MYT1L: variants seen among roughly 807,000 people sequenced by gnomAD.
The protein encoded by MYT1L is myelin transcription factor 1-like protein.
In MYT1L, 12 loss-of-function variants were observed where a neutral mutation model predicts 126.7. The ratio of observed to expected loss-of-function variants is 0.09; its 90% CI spans 0.06 to 0.15. The LOEUF (loss-of-function observed/expected upper bound fraction) is 0.15, where lower values mean the gene tolerates loss of function less well. MYT1L is among the 10% of genes least tolerant of loss of function. The pLI is 1.00. For missense variants in MYT1L, 979 were observed against 1,585.2 expected, an observed-to-expected ratio of 0.62 and a Z score of 6.49; for synonymous variants, 541 against 604.2, an observed-to-expected ratio of 0.90 and a Z score of 1.53.
At chr2:1,844,696 C>T (rs2042262006) in intron 19 of MYT1L, among the ~76,000 whole-genome samples, 1 of 152,198 alleles carries the variant, frequency 6.6e-6, no homozygotes, top group African/African-American at 2.4e-5. Context: ...ACATACAATG[C>T]TGGGCACAGA....
At chr2:2,058,611 T>C (rs1351923089) in intron 3 of MYT1L, among the ~76,000 whole-genome samples, 2 of 152,246 alleles carry the variant, frequency 1.3e-5, no homozygotes, top group Non-Finnish European at 2.9e-5. Flanking sequence ...TCAACAAATT[T>C]ATGCTGAATG....
intron 3 of MYT1L, among the ~76,000 whole-genome samples, chr2:2,161,464 T>C (rs926080436): frequency 6.6e-6 from 1 of 152,228 alleles, no homozygotes; most frequent in African/African-American, 2.4e-5. Flanking sequence ...CGGGTATCAA[T>C]GAAACAAGTG....
In MYT1L at chr2:2,217,688, C is replaced by CAAA. The variant is rs1192733884; in HGVS notation, c.-420-44701_-420-44700insTTT. 1.0e-3 allele frequency among the ~76,000 whole-genome samples: 74 copies of CAAA among 70,858 alleles called. 5 individuals are homozygous for CAAA. Among genetic ancestry groups the CAAA allele is most frequent in the African/African-American group, 5.4e-3 (69 of 12,686 alleles). The allele number at this position is 70,858 out of a possible 152,430, so 46.5% of individuals were successfully genotyped here. A position where few individuals can be genotyped will look rare whatever the true frequency, so the allele number is the denominator to read the frequency against. On this transcript the variant is annotated intron_variant, in intron 2 of 24. Transcript: ENST00000647738. ...TCCATCTCAACAACAACAACAACAA[C>CAAA]AACAACAACAACAACAACAAAAAAA...
intron 2 of MYT1L, among the ~76,000 whole-genome samples, chr2:2,178,323 T>C (rs548835882): frequency 9.2e-5 from 14 of 152,306 alleles, no homozygotes; most frequent in African/African-American, 3.4e-4. Flanking sequence ...CTTTACAATA[T>C]AGTTGAAGAC....
chr2:1,888,160 T>G (rs1354948653), intron 16 of MYT1L, among the ~76,000 whole-genome samples: 1 of 152,210 alleles, frequency 6.6e-6, no homozygotes, highest in Non-Finnish European at 1.5e-5. Context: ...CAGGTGGCAA[T>G]GCTCAGCAGA....
intron 2 of MYT1L, among the ~76,000 whole-genome samples, chr2:2,240,293 CTAAA>C (rs532182932): frequency 2.0e-5 from 3 of 151,724 alleles, no homozygotes; most frequent in African/African-American, 7.3e-5. Context: ...AACTCCGTCT[CTAAA>C]TAAATAAATA....
At chr2:2,038,619 T>A (rs575695382) in intron 4 of MYT1L, among the ~76,000 whole-genome samples, 7 of 152,308 alleles carry the variant, frequency 4.6e-5, no homozygotes, top group African/African-American at 1.7e-4. Context: ...ATCGATTTTT[T>A]ATGTGTAGTC....
chr2:2,222,812 G>A (rs1182422212), intron 2 of MYT1L, among the ~76,000 whole-genome samples: 1 of 152,050 alleles, frequency 6.6e-6, no homozygotes, highest in East Asian at 1.9e-4. Context: ...GTATTAATGT[G>A]ATGAAGTGGC....
intron 8 of MYT1L, among the ~76,000 whole-genome samples, chr2:1,952,717 T>TCCTTCCTTCCTTTC (rs2057889433): frequency 6.9e-4 from 5 of 7,240 alleles, no homozygotes; most frequent in African/African-American, 1.7e-3. Context: ...TTCCCTTCCC[T>TCCTTCCTTCCTTTC]CCTTCCTTCC....
chr2:2,038,706 C>T (rs1015301017), intron 4 of MYT1L, among the ~76,000 whole-genome samples: 7 of 151,980 alleles, frequency 4.6e-5, no homozygotes, highest in African/African-American at 1.5e-4. Context: ...CTCTGGAACC[C>T]AATCCGAACT....
intron 1 of MYT1L, among the ~76,000 whole-genome samples, chr2:2,290,094 A>T (rs945763012): frequency 1.3e-5 from 2 of 152,222 alleles, no homozygotes; most frequent in African/African-American, 4.8e-5. Flanking sequence ...TGAGCTCATG[A>T]TGTCAGCCAC....
intron 1 of MYT1L, among the ~76,000 whole-genome samples, chr2:2,306,890 G>A (rs1258517207): frequency 1.3e-5 from 2 of 152,166 alleles, no homozygotes; most frequent in Non-Finnish European, 2.9e-5. Context: ...AGCTATCAAT[G>A]CAAGGTAGAC....
chr2:1,986,793 A>G lies in MYT1L; in HGVS notation c.1-7016T>C, dbSNP rs116616642. 5.6e-3 allele frequency among the ~76,000 whole-genome samples: 847 copies of G among 152,250 alleles called. 5 individuals are homozygous for G. Among genetic ancestry groups the G allele is most frequent in the African/African-American group, 0.019 (778 of 41,556 alleles). On this transcript the variant is annotated intron_variant, in intron 5 of 24. Coordinates refer to ENST00000647738, the MANE Select transcript of MYT1L (RefSeq NM_001303052.2). Reference sequence around the variant, plus strand: ...CCAAGGGGGTCGTCAGATGCTGTGCAAGCAGTGGTGAAGCTTTGTTGTTCA... The same window carrying G: ...CCAAGGGGGTCGTCAGATGCTGTGCGAGCAGTGGTGAAGCTTTGTTGTTCA...
chr2:2,194,193 C>T (rs2092707133), intron 2 of MYT1L, among the ~76,000 whole-genome samples: 1 of 151,992 alleles, frequency 6.6e-6, no homozygotes, highest in Non-Finnish European at 1.5e-5. Flanking sequence ...GATCTTCCCA[C>T]CTTAGCCTCC....
chr2:2,326,398 T>TGG (rs932702371), intron 1 of MYT1L: 7 of 152,218 alleles, frequency 4.6e-5, no homozygotes, highest in African/African-American at 1.7e-4. Context: ...CCTGATGTGT[T>TGG]GGGACCAGAC....
chr2:2,264,873 A>T (rs2095082643), intron 2 of MYT1L, among the ~76,000 whole-genome samples: 1 of 152,190 alleles, frequency 6.6e-6, no homozygotes, highest in Admixed American at 6.5e-5. Flanking sequence ...TCTCATGGCA[A>T]AATACCAGAA....
intron 18 of MYT1L, among the ~76,000 whole-genome samples, chr2:1,872,879 A>G (rs545154625): frequency 5.3e-5 from 8 of 152,248 alleles, no homozygotes; most frequent in Admixed American, 5.2e-4. Flanking sequence ...TATAATCATG[A>G]CCTCTCAGGT....
intron 8 of MYT1L, among the ~76,000 whole-genome samples, chr2:1,944,837 C>T (rs998254469): frequency 2.0e-5 from 3 of 152,066 alleles, no homozygotes; most frequent in African/African-American, 4.8e-5. Flanking sequence ...TAGGCATTTG[C>T]GGAATGAAAG....
intron 3 of MYT1L, among the ~76,000 whole-genome samples, chr2:2,073,019 C>T (rs1185830432): frequency 1.3e-5 from 2 of 152,126 alleles, no homozygotes; most frequent in South Asian, 4.2e-4. Flanking sequence ...ACAGTGTCTT[C>T]ACACAACAGA....
Sources: allele counts gnomAD v4.1 joint callset (sites outside exome capture counted in the v4.1 genomes callset), GRCh38; gene constraint gnomAD v4.1.1; transcripts MANE v1.5; gene names NCBI Gene and HGNC (gene_info 2026-07-23, HGNC 2026-07-21).